The following ZNF609 variants were observed in gnomAD, a reference collection of about 807,000 sequenced individuals.
The protein encoded by ZNF609 is zinc finger protein 609.
In ZNF609, 11 loss-of-function variants were observed where a neutral mutation model predicts 109.5. The observed-to-expected ratio is 0.10, with a 90% CI of 0.06 to 0.17. ZNF609 has a LOEUF of 0.17. Ranked by LOEUF, ZNF609 falls within the 10% of genes least tolerant of loss-of-function variation. The pLI is 1.00. For missense variants in ZNF609, 1,559 were observed against 1,772.4 expected (o/e 0.88, Z 2.16); for synonymous variants, 646 against 662.0 (o/e 0.98, Z 0.37).
At chr15:64,477,828 C>T (rs1893194911) in intron 1 of ZNF609, among the ~76,000 whole-genome samples, 1 of 152,012 alleles carries the variant, frequency 6.6e-6, no homozygotes, top group African/African-American at 2.4e-5. Context: ...GGGGTTTTAC[C>T]ATGTTGGCCA....
At chr15:64,557,250 C>G (rs1894605110) in intron 2 of ZNF609, among the ~76,000 whole-genome samples, 1 of 148,254 alleles carries the variant, frequency 6.7e-6, no homozygotes, top group African/African-American at 2.5e-5. Context: ...TACATACCTT[C>G]TAATAGTAGA....
At chr15:64,567,631 A>G (rs1894797956) in intron 2 of ZNF609, among the ~76,000 whole-genome samples, 1 of 152,164 alleles carries the variant, frequency 6.6e-6, no homozygotes, top group African/African-American at 2.4e-5. Context: ...TATTGTGGCA[A>G]GATATTTTCC....
At chr15:64,577,064 G>A (rs1453465319) in intron 2 of ZNF609, among the ~76,000 whole-genome samples, 71 of 50,394 alleles carry the variant, frequency 1.4e-3, no homozygotes, top group Middle Eastern at 0.014. Context: ...ATACATATAT[G>A]TATATATACA....
chr15:64,671,499 A>C (rs1455940130), intron 4 of ZNF609: 1 of 152,234 alleles, frequency 6.6e-6, no homozygotes, highest in Non-Finnish European at 1.5e-5. Flanking sequence ...GCTATTTCTC[A>C]GAAATTTGAA....
chr15:64,568,973 C>G (rs778058023), intron 2 of ZNF609, among the ~76,000 whole-genome samples: 22 of 152,226 alleles, frequency 1.4e-4, no homozygotes, highest in Admixed American at 2.6e-4. Flanking sequence ...ACCACTCTTA[C>G]TACCTCTGTA....
chr15:64,621,053 G>A (rs1173411942), intron 2 of ZNF609, among the ~76,000 whole-genome samples: 1 of 152,154 alleles, frequency 6.6e-6, no homozygotes, highest in African/African-American at 2.4e-5. Flanking sequence ...CCTAGACTAA[G>A]AAGTCCTCAC....
Position 64,678,178 on chromosome 15 carries a change from G to C in ZNF609, c.3465G>C (p.Glu1155Asp), listed in dbSNP as rs779222704. The C allele has an allele frequency of 2.2e-5, 36 of 1,614,084 alleles. No individual in the cohort carries two copies. Among genetic ancestry groups the C allele is most frequent in the Non-Finnish European group, 2.8e-5 (33 of 1,180,052 alleles). ...YPAKYSDIKS[E>D]DERWKEERDR... The stretch of plus-strand genomic sequence containing the variant: ...CCAAGTACTCAGACATCAAGTCAGA[G>C]GATGAGCGGTGGAAGGAGGAGCGGG... Residue 1155 changes from glutamate (E) to aspartate (D), a missense_variant, in exon 6 of 10, where the codon GAG (glutamate) becomes GAC (aspartate). Coordinates refer to ENST00000326648, the MANE Select transcript of ZNF609 (RefSeq NM_015042.2).
At chr15:64,625,745 C>T (rs973624862) in intron 3 of ZNF609, among the ~76,000 whole-genome samples, 4 of 148,648 alleles carry the variant, frequency 2.7e-5, no homozygotes, top group Admixed American at 6.7e-5. Context: ...AAAAATTAGC[C>T]GGGTGTAGTG....
rs1352034766 is a variant in ZNF609 at position 64,499,708 on chromosome 15, A to G, written c.289A>G (p.Lys97Glu). The G allele has an allele frequency of 6.2e-7, 1 of 1,614,114 alleles. No homozygotes were observed. The highest frequency in any genetic ancestry group is 8.5e-7 in the Non-Finnish European group (1 of 1,180,026). The change falls in exon 2 of 10, where the codon AAA becomes GAA. Residue 97 changes from lysine to glutamate, a missense_variant. Around this residue, in one of 4 missense-constraint regions of ZNF609, gnomAD observed 291 missense variants for 317.8 expected, o/e 0.92. Transcript: ENST00000326648. ...AAAATCCAAAAGGAGTAAGAGTGGCAAAGACACTAGCAAACCCACTCCAGG... is the reference window on the plus strand; with the variant it reads ...AAAATCCAAAAGGAGTAAGAGTGGCGAAGACACTAGCAAACCCACTCCAGG... ...KSKSKRSKSG[K>E]DTSKPTPGTS...
chr15:64,565,232 G>GTATTATTATTATTATTATTATTAT (rs60734525), intron 2 of ZNF609, among the ~76,000 whole-genome samples: 2,141 of 138,712 alleles, frequency 0.015, 53 homozygotes, highest in African/African-American at 0.049. Context: ...GCTAATTTTT[G>GTATTATTATTATTATTATTATTAT]TATTATTATT....
At chr15:64,593,400 A>G (rs749345889) in intron 2 of ZNF609, 75 of 746,270 alleles carry the variant, frequency 1.0e-4, no homozygotes, top group Admixed American at 2.1e-4. Flanking sequence ...ACTTAAATAA[A>G]TAAATAAAAA....
intron 1 of ZNF609, among the ~76,000 whole-genome samples, chr15:64,495,948 A>G (rs1029589000): frequency 6.6e-6 from 1 of 151,830 alleles, no homozygotes; most frequent in Non-Finnish European, 1.5e-5. Context: ...CCTCCCAAGT[A>G]AGTGGGATTA....
At chr15:64,540,588 T>A (rs1299105969) in intron 2 of ZNF609, among the ~76,000 whole-genome samples, 1 of 151,550 alleles carries the variant, frequency 6.6e-6, no homozygotes, top group Non-Finnish European at 1.5e-5. Context: ...TATTTTTTAG[T>A]AGAGACGGGG....
intron 2 of ZNF609, among the ~76,000 whole-genome samples, chr15:64,513,438 C>T (rs1449936113): frequency 6.6e-6 from 1 of 152,208 alleles, no homozygotes; most frequent in African/African-American, 2.4e-5. Flanking sequence ...CAGAAGGAGA[C>T]TGAGAAATTC....
chr15:64,541,375 C>T lies in ZNF609; in HGVS notation c.747+41209C>T, dbSNP rs1225801612. ...CCGGGAGGCGGAGCTCGCAGTGAGC[C>T]GAGATCGCGCCACTGCACTCCAGCC... On this transcript the variant is annotated intron_variant, in intron 2 of 9. Transcript: ENST00000326648. Among the ~76,000 whole-genome samples, 6 of 144,206 alleles carry T rather than the reference C, an allele frequency of 4.2e-5. No individual in the cohort carries two copies. In the East Asian group the frequency reaches 1.0e-3, roughly 25 times the overall value. The allele number at this position is 144,206 out of a possible 152,430, so 94.6% of individuals were successfully genotyped here. A position where few individuals can be genotyped will look rare whatever the true frequency, so the allele number is the denominator to read the frequency against.
chr15:64,635,007 T>G (rs1340436791), intron 3 of ZNF609, among the ~76,000 whole-genome samples: 1 of 152,216 alleles, frequency 6.6e-6, no homozygotes, highest in Non-Finnish European at 1.5e-5. Flanking sequence ...CTGTCATACA[T>G]TTAAATCCTG....
intron 2 of ZNF609, among the ~76,000 whole-genome samples, chr15:64,603,107 C>T (rs796892355): frequency 4.6e-5 from 7 of 151,634 alleles, no homozygotes; most frequent in African/African-American, 1.7e-4. Flanking sequence ...AAAACTCATA[C>T]CTAAAGTTGA....
At chr15:64,589,380 C>T (rs1167257065) in intron 2 of ZNF609, among the ~76,000 whole-genome samples, 1 of 151,868 alleles carries the variant, frequency 6.6e-6, no homozygotes, top group Non-Finnish European at 1.5e-5. Context: ...GAAACTTCAG[C>T]AGCAGCAGCA....
chr15:64,520,709 A>C (rs1308863943), intron 2 of ZNF609, among the ~76,000 whole-genome samples: 2 of 152,200 alleles, frequency 1.3e-5, no homozygotes, highest in African/African-American at 4.8e-5. Flanking sequence ...TTCACAATAG[A>C]ATGGGAAGAC....
Sources: allele counts gnomAD v4.1 joint callset (sites outside exome capture counted in the v4.1 genomes callset), GRCh38; gene constraint gnomAD v4.1.1; regional missense constraint gnomAD v4.1.1; transcripts MANE v1.5; gene names NCBI Gene and HGNC (gene_info 2026-07-23, HGNC 2026-07-21).